Variants in RELL1 observed in about 807,000 individuals in gnomAD.
RELL1 encodes RELT-like protein 1.
A neutral mutation model predicts 23.0 loss-of-function variants in RELL1; 10 were observed. That is an observed-to-expected ratio of 0.43 (90% CI 0.27 to 0.74). The LOEUF is 0.74. RELL1 is among the 30% of genes least tolerant of loss of function. The pLI, the probability that RELL1 is intolerant of heterozygous loss-of-function variation, is 0.19. For missense variants in RELL1, 315 were observed against 364.4 expected (o/e 0.86, Z 1.10); for synonymous variants, 146 against 146.8 (o/e 0.99, Z 0.04).
At chr4:37,668,460 C>T (rs368641744) in intron 1 of RELL1, among the ~76,000 whole-genome samples, 3,818 of 152,190 alleles carry the variant, frequency 0.025, 83 homozygotes, top group Middle Eastern at 0.068. Flanking sequence ...GCGAGTGATC[C>T]GCCAGCCTCG....
At chr4:37,678,292 T>C (rs1475027250) in intron 1 of RELL1, among the ~76,000 whole-genome samples, 1 of 152,212 alleles carries the variant, frequency 6.6e-6, no homozygotes, top group Non-Finnish European at 1.5e-5. Context: ...CATGATCCAA[T>C]CACCTTCCAC....
At chr4:37,660,813 C>T (rs1036415381) in intron 1 of RELL1, among the ~76,000 whole-genome samples, 10 of 152,226 alleles carry the variant, frequency 6.6e-5, no homozygotes, top group African/African-American at 2.4e-4. Context: ...GGGCAGATCA[C>T]AAGGTCAGGA....
rs142932849 is a variant in RELL1, at chr4:37,644,970, C to T, written c.385+2398G>A. Among the ~76,000 whole-genome samples, 135 of 152,282 alleles carry T rather than the reference C, an allele frequency of 8.9e-4. 1 individual carries two copies. Among genetic ancestry groups the T allele is most frequent in the African/African-American group, 3.1e-3 (128 of 41,538 alleles). Reference sequence around the variant, plus strand: ...TCCGCCACTTTCCAGCGGTGCAACACTGGCAACTTAGTTAAGTACGGTGGG... The same window carrying T: ...TCCGCCACTTTCCAGCGGTGCAACATTGGCAACTTAGTTAAGTACGGTGGG... On this transcript the variant is annotated intron_variant, in intron 3 of 6. Coordinates refer to ENST00000454158, the MANE Select transcript of RELL1 (RefSeq NM_001085400.2).
At chr4:37,599,831 C>T (rs1718969285) in intron 6 of RELL1, among the ~76,000 whole-genome samples, 1 of 152,168 alleles carries the variant, frequency 6.6e-6, no homozygotes, top group African/African-American at 2.4e-5. Context: ...CATGAACCAC[C>T]CCTACATAGC....
At chr4:37,668,789 G>A (rs1197233371) in intron 1 of RELL1, among the ~76,000 whole-genome samples, 4 of 133,324 alleles carry the variant, frequency 3.0e-5, no homozygotes, top group Admixed American at 2.2e-4. Flanking sequence ...CTTCCCGGCC[G>A]CCACCCCATC....
At chr4:37,630,925 G>T (rs1249919390) in intron 6 of RELL1, among the ~76,000 whole-genome samples, 1 of 151,526 alleles carries the variant, frequency 6.6e-6, no homozygotes, top group Admixed American at 6.6e-5. Context: ...CAAGTCATTT[G>T]GCCTGCATGG....
chr4:37,655,127 G>C (rs1721077452), intron 1 of RELL1, among the ~76,000 whole-genome samples: 1 of 151,964 alleles, frequency 6.6e-6, no homozygotes, highest in South Asian at 2.1e-4. Flanking sequence ...TTGCCTCCCG[G>C]TTCTGTGACT....
At chr4:37,614,029 C>A (rs1311014378) in intron 6 of RELL1, among the ~76,000 whole-genome samples, 1 of 152,190 alleles carries the variant, frequency 6.6e-6, no homozygotes, top group Non-Finnish European at 1.5e-5. Context: ...TGAACCCACA[C>A]AAGGTTAAGG....
rs1353543966 is a variant in RELL1, at chr4:37,630,362, T to TG, written c.*3+1022_*3+1023insC. ...TCTGGTGCGTGTGTGTGTGGTTTTT[T>TG]TTTTTTTTTTTTTTTTTTTTGAGAC... On this transcript the variant is annotated intron_variant, in intron 6 of 6. Coordinates refer to ENST00000454158, the MANE Select transcript of RELL1 (RefSeq NM_001085400.2). Among the ~76,000 whole-genome samples, 4 of 110,192 alleles carry TG rather than the reference T, an allele frequency of 3.6e-5. 1 individual carries two copies. Among genetic ancestry groups the TG allele is most frequent in the South Asian group, 6.7e-4 (2 of 3,004 alleles). The allele number at this position is 110,192 out of a possible 152,430, so 72.3% of individuals were successfully genotyped here.
At chr4:37,659,938 G>C (rs1342022529) in intron 1 of RELL1, among the ~76,000 whole-genome samples, 1 of 152,142 alleles carries the variant, frequency 6.6e-6, no homozygotes, top group Non-Finnish European at 1.5e-5. Flanking sequence ...CCAGGAAAGG[G>C]TGCGCATTCT....
intron 1 of RELL1, among the ~76,000 whole-genome samples, chr4:37,651,402 A>T (rs1262923067): frequency 6.6e-6 from 1 of 152,234 alleles, no homozygotes; most frequent in Non-Finnish European, 1.5e-5. Context: ...CAGTATTTGG[A>T]ATATCCTGAC....
At position 37,610,722 on chromosome 4, in the gene RELL1, T is replaced by C. The variant is rs929791262; in HGVS notation, c.*2624A>G. ...AGACAGTTAAAAATACACTTGACAC[T>C]CGAAATGGTGAAAATTTTCCTTACA... is the stretch of plus-strand genomic sequence containing the variant. On this transcript the variant is annotated 3_prime_UTR_variant, in exon 7 of 7. Coordinates refer to ENST00000454158, the MANE Select transcript of RELL1 (RefSeq NM_001085400.2). This position sits in a 1 kb window ranked among gnomAD's most constrained non-coding sequence, Gnocchi z 4.1. Among the ~76,000 whole-genome samples, 11 of 152,176 alleles carry C rather than the reference T, an allele frequency of 7.2e-5. No individual in the cohort carries two copies. Among genetic ancestry groups the C allele is most frequent in the African/African-American group, 2.4e-4 (10 of 41,434 alleles).
chr4:37,621,897 A>G (rs1234132499), intron 6 of RELL1, among the ~76,000 whole-genome samples: 6 of 152,246 alleles, frequency 3.9e-5, no homozygotes, highest in Non-Finnish European at 8.8e-5. Context: ...ATGTTTTAGT[A>G]TCTCCTGTGC....
intron 3 of RELL1, among the ~76,000 whole-genome samples, chr4:37,646,111 C>T (rs531070306): frequency 1.3e-5 from 2 of 152,198 alleles, no homozygotes; most frequent in South Asian, 2.1e-4. Context: ...CCAGGGGAAA[C>T]ATTTTCTTTT....
Position 37,631,505 on chromosome 4 carries a change from C to T in RELL1, c.699G>A (p.Val233=), listed in dbSNP as rs775280454. Reference sequence around the variant, plus strand: ...GTTCCTTCTGGTTTGACTTGTGCTCCACTTTTGTAACTCTAAATCTGAGGG... The same window carrying T: ...GTTCCTTCTGGTTTGACTTGTGCTCTACTTTTGTAACTCTAAATCTGAGGG... ...LSVGRFRVTK[V]EHKSNQKERR... is the part of the protein sequence containing the mutation. The change falls in exon 6 of 7, where the codon GTG becomes GTA. Residue 233 remains valine (V), a synonymous_variant. Transcript: ENST00000454158. 73 of 1,613,882 alleles carry T rather than the reference C, an allele frequency of 4.5e-5. No individual in the cohort carries two copies. The Middle Eastern group carries it at 1.2e-3, about 25-fold the overall frequency.
chr4:37,661,400 C>A (rs923244140), intron 1 of RELL1, among the ~76,000 whole-genome samples: 1 of 152,162 alleles, frequency 6.6e-6, no homozygotes, highest in African/African-American at 2.4e-5. Flanking sequence ...CTGCCTCAGC[C>A]TCCAGAGTAT....
At chr4:37,599,613 A>T (rs973231707) in intron 6 of RELL1, among the ~76,000 whole-genome samples, 3 of 152,170 alleles carry the variant, frequency 2.0e-5, no homozygotes, top group African/African-American at 7.2e-5. Flanking sequence ...CTACTACAGG[A>T]CTTTTGGTGA....
intron 6 of RELL1, among the ~76,000 whole-genome samples, chr4:37,622,222 G>A (rs1186685502): frequency 2.0e-5 from 3 of 152,230 alleles, no homozygotes; most frequent in African/African-American, 7.2e-5. Context: ...GTATGAACAA[G>A]TGTAGTATCT....
At chr4:37,596,054 T>C (rs1323878186) in intron 6 of RELL1, among the ~76,000 whole-genome samples, 2 of 152,202 alleles carry the variant, frequency 1.3e-5, no homozygotes, top group Non-Finnish European at 2.9e-5. Context: ...CGTCATGACC[T>C]CCAGGTGTTC....
Sources: gnomAD v4.1 joint callset for allele counts (sites outside exome capture counted in the v4.1 genomes callset) on GRCh38, gnomAD v4.1.1 for gene constraint, Gnocchi (gnomAD v3.1) non-coding constraint, MANE v1.5 for transcripts, NCBI Gene and HGNC (gene_info 2026-07-23, HGNC 2026-07-21) for gene names.